CDH13: variants seen among roughly 807,000 people sequenced by gnomAD.
The protein encoded by CDH13 is cadherin 13.
CDH13 carries 24 observed loss-of-function variants against 63.8 expected under a neutral mutation model. The ratio of observed to expected loss-of-function variants is 0.38; its 90% confidence interval spans 0.27 to 0.53. The LOEUF (loss-of-function observed/expected upper bound fraction) is 0.53. Ranked by LOEUF, CDH13 falls within the 20% of genes least tolerant of loss-of-function variation. CDH13 has a pLI of 0.85. For synonymous variants in CDH13, 503 were observed against 355.3 expected (o/e 1.42, Z -4.67); for missense variants, 1,049 against 903.1 (o/e 1.16, Z -2.07).
At chr16:83,166,678 G>C (rs1226705077) in intron 4 of CDH13, among the ~76,000 whole-genome samples, 2 of 152,204 alleles carry the variant, frequency 1.3e-5, no homozygotes, top group East Asian at 3.9e-4. Flanking sequence ...TTATGATAGA[G>C]CATCTCATGT....
rs539616106 is a variant in CDH13, at chr16:83,101,921, T to C, written c.367-23464T>C. 3.4e-4 allele frequency among the ~76,000 whole-genome samples: 52 copies of C among 152,318 alleles called. 1 individual carries two copies. The highest frequency in any genetic ancestry group is 3.0e-3 in the Admixed American group (46 of 15,296). The stretch of plus-strand genomic sequence containing the variant: ...ACCAAGGCCCCAGGATTGTTCACAT[T>C]CTACTCCTTGGAACCTGTGAATGTG... On this transcript the variant is annotated intron_variant, in intron 3 of 13. Transcript: ENST00000567109.
chr16:83,763,650 G>C (rs959495708), intron 11 of CDH13, among the ~76,000 whole-genome samples: 2 of 152,174 alleles, frequency 1.3e-5, no homozygotes, highest in African/African-American at 2.4e-5. Flanking sequence ...CATTAGTTAT[G>C]ATGGCAACCC....
chr16:83,630,659 G>C (rs1400715282), intron 8 of CDH13, among the ~76,000 whole-genome samples: 1 of 152,162 alleles, frequency 6.6e-6, no homozygotes, highest in Non-Finnish European at 1.5e-5. Flanking sequence ...ATTTGTCTCA[G>C]GTGAGCAGAG....
chr16:82,972,030 C>G (rs774531156), intron 2 of CDH13, among the ~76,000 whole-genome samples: 2 of 152,150 alleles, frequency 1.3e-5, no homozygotes, highest in Admixed American at 6.5e-5. Flanking sequence ...TATTTCACAG[C>G]GACTTGCACA....
chr16:83,420,810 G>C (rs1010318894), intron 6 of CDH13, among the ~76,000 whole-genome samples: 2 of 152,196 alleles, frequency 1.3e-5, no homozygotes, highest in African/African-American at 4.8e-5. Flanking sequence ...CCAAAGGCCC[G>C]AGAGCTCCTG....
chr16:83,439,525 C>A (rs2072421836), intron 6 of CDH13, among the ~76,000 whole-genome samples: 2 of 152,220 alleles, frequency 1.3e-5, no homozygotes, highest in Admixed American at 6.5e-5. Context: ...ATGGGTAGTT[C>A]TATGACCAGT....
chr16:83,670,675 AT>A, intron 8 of CDH13, 114 bp from the exon 9 acceptor site: 7 of 943,602 alleles, frequency 7.4e-6, no homozygotes, highest in Non-Finnish European at 1.2e-5. Context: ...TAATCCTCTT[AT>A]GTTATTATTT....
intron 8 of CDH13, among the ~76,000 whole-genome samples, chr16:83,656,574 C>A (rs1323431935): frequency 6.6e-6 from 1 of 152,170 alleles, no homozygotes; most frequent in East Asian, 1.9e-4. Context: ...ACCAGAACCC[C>A]TGAGCCATGT....
intron 6 of CDH13, among the ~76,000 whole-genome samples, chr16:83,477,362 A>T (rs1489311): frequency 5.0e-4 from 76 of 152,200 alleles, no homozygotes; most frequent in African/African-American, 1.8e-3. Flanking sequence ...TTGCATTTCA[A>T]TTCAAGCCTG....
At chr16:83,508,090 A>AGGAAGGAAGGAAGGAT (rs2074451829) in intron 7 of CDH13, among the ~76,000 whole-genome samples, 1 of 72,204 alleles carries the variant, frequency 1.4e-5, no homozygotes, top group East Asian at 9.4e-4. Flanking sequence ...GAAGGAAGGA[A>AGGAAGGAAGGAAGGAT]GGAAGGAAAG....
At chr16:83,672,925 C>G (rs563201685) in intron 9 of CDH13, among the ~76,000 whole-genome samples, 4 of 152,192 alleles carry the variant, frequency 2.6e-5, no homozygotes, top group Non-Finnish European at 5.9e-5. Context: ...CATTCTATGA[C>G]TTTTACAGCT....
intron 8 of CDH13, among the ~76,000 whole-genome samples, chr16:83,627,040 T>G (rs1166833107): frequency 2.0e-5 from 3 of 151,718 alleles, no homozygotes; most frequent in African/African-American, 4.8e-5. Context: ...CATAGCATTT[T>G]GGGAGGCCAA....
Position 83,605,825 on chromosome 16 carries a change from A to G in CDH13, c.1101+3231A>G, listed in dbSNP as rs79110267. On this transcript the variant is annotated intron_variant, in intron 8 of 13. Coordinates refer to ENST00000567109, the MANE Select transcript of CDH13 (RefSeq NM_001257.5). Reference sequence around the variant, plus strand: ...AAGGCTACTCTTTTCCTTTAAAGTGACATATGAATCTGCTCAAGCACTTCA... The same window carrying G: ...AAGGCTACTCTTTTCCTTTAAAGTGGCATATGAATCTGCTCAAGCACTTCA... Among the ~76,000 whole-genome samples the G allele has an allele frequency of 9.4e-3, 1,438 of 152,338 alleles. 26 individuals are homozygous for G. Among genetic ancestry groups the G allele is most frequent in the African/African-American group, 0.033 (1,357 of 41,568 alleles).
chr16:83,606,345 T>C (rs1908328340), intron 8 of CDH13, among the ~76,000 whole-genome samples: 2 of 152,210 alleles, frequency 1.3e-5, no homozygotes, highest in South Asian at 4.1e-4. Context: ...TATCTGTTTT[T>C]GAAATCTATA....
intron 7 of CDH13, among the ~76,000 whole-genome samples, chr16:83,540,327 C>G (rs4581685): frequency 2.0e-5 from 3 of 152,114 alleles, no homozygotes; most frequent in African/African-American, 7.2e-5. Context: ...TCTGCTGCCC[C>G]GAAGGAGTGC....
At chr16:83,545,128 G>C (rs889070229) in intron 7 of CDH13, among the ~76,000 whole-genome samples, 16 of 152,114 alleles carry the variant, frequency 1.1e-4, no homozygotes, top group Non-Finnish European at 4.4e-5. Context: ...TACCCAACCA[G>C]GATTTAATTA....
chr16:83,284,438 C>G (rs912011836), intron 5 of CDH13, among the ~76,000 whole-genome samples: 3 of 152,168 alleles, frequency 2.0e-5, no homozygotes, highest in Non-Finnish European at 4.4e-5. Context: ...AATATATTTA[C>G]TCTAGTGCCA....
At chr16:83,623,518 A>G (rs982029332) in intron 8 of CDH13, among the ~76,000 whole-genome samples, 2 of 152,140 alleles carry the variant, frequency 1.3e-5, no homozygotes, top group Non-Finnish European at 2.9e-5. Context: ...GCACAGAGGG[A>G]GCACAAAGAA....
chr16:83,323,423 G>A (rs147258946), intron 5 of CDH13, among the ~76,000 whole-genome samples: 3,223 of 151,314 alleles, frequency 0.021, 108 homozygotes, highest in African/African-American at 0.07. Context: ...TGGGATTACA[G>A]GTGCCTGCCA....
Sources: gnomAD v4.1 joint callset for allele counts (sites outside exome capture counted in the v4.1 genomes callset) on GRCh38, gnomAD v4.1.1 for gene constraint, MANE v1.5 for transcripts, NCBI Gene and HGNC (gene_info 2026-07-23, HGNC 2026-07-21) for gene names.